Variants in GALNT1 observed in about 807,000 individuals in gnomAD.
The protein encoded by GALNT1 is polypeptide N-acetylgalactosaminyltransferase 1.
In GALNT1, 17 loss-of-function variants were observed where a neutral mutation model predicts 65.7. That is an observed-to-expected ratio of 0.26 (90% CI 0.18 to 0.39). GALNT1 has a LOEUF of 0.39. Ranked by LOEUF, GALNT1 falls within the 10% of genes least tolerant of loss-of-function variation. The probability of loss-of-function intolerance (pLI) is 1.00; values close to 1 mark genes in which losing one functional copy is unlikely to be tolerated. For missense variants in GALNT1, 460 were observed against 672.8 expected (o/e 0.68, Z 3.50); for synonymous variants, 210 against 219.7 (o/e 0.96, Z 0.39).
At chr18:35,618,733 T>TTTTG (rs1241560310) in intron 1 of GALNT1, among the ~76,000 whole-genome samples, 2 of 152,008 alleles carry the variant, frequency 1.3e-5, no homozygotes, top group Non-Finnish European at 2.9e-5. Context: ...ACTGCACTGT[T>TTTTG]TTTGTTTGTT....
chr18:35,613,816 A>T (rs1287772176), intron 1 of GALNT1, among the ~76,000 whole-genome samples: 1 of 152,046 alleles, frequency 6.6e-6, no homozygotes, highest in Admixed American at 6.5e-5. Context: ...GAAAAATTAT[A>T]ACTGCAGTTC....
chr18:35,682,928 A>AG (rs1047228098), intron 4 of GALNT1, among the ~76,000 whole-genome samples: 3 of 149,384 alleles, frequency 2.0e-5, no homozygotes, highest in African/African-American at 7.4e-5. Flanking sequence ...AAAAAAAAAA[A>AG]AGTATAGTCA....
chr18:35,657,229 G>A (rs2047403915), intron 2 of GALNT1, among the ~76,000 whole-genome samples: 1 of 152,106 alleles, frequency 6.6e-6, no homozygotes, highest in Admixed American at 6.5e-5. Context: ...TTGAGTACCT[G>A]CAGTTACAGG....
intron 3 of GALNT1, among the ~76,000 whole-genome samples, chr18:35,669,416 G>A (rs1341287037): frequency 6.6e-6 from 1 of 152,146 alleles, no homozygotes; most frequent in Non-Finnish European, 1.5e-5. Flanking sequence ...AAATATTACA[G>A]ACCAGTAGTC....
chr18:35,683,199 T>G (rs180985752), intron 4 of GALNT1, among the ~76,000 whole-genome samples, 192 bp from the exon 5 acceptor site: 608 of 152,300 alleles, frequency 4.0e-3, no homozygotes, highest in Non-Finnish European at 7.0e-3. Context: ...TATAATAAAA[T>G]AGAGGCAGCT....
rs558025529 is a variant in GALNT1 at position 35,654,902 on chromosome 18, T to C, written c.139+101T>C. ...AATTTTAACTTTTTTAGATTAACTG[T>C]AGTCTGTGACTTCCTGTGGGAGATA... is the stretch of plus-strand genomic sequence containing the variant. On this transcript the variant is annotated intron_variant, in intron 2 of 11. Coordinates refer to ENST00000269195, the MANE Select transcript of GALNT1 (RefSeq NM_020474.4). 25 of 898,038 alleles carry C rather than the reference T, an allele frequency of 2.8e-5. No homozygotes were observed. The East Asian group carries it at 6.2e-4, about 22-fold the overall frequency. The allele number at this position is 898,038 out of a possible 1,614,324, so 55.6% of individuals were successfully genotyped here. A position where few individuals can be genotyped will look rare whatever the true frequency, so the allele number is the denominator to read the frequency against.
intron 1 of GALNT1, among the ~76,000 whole-genome samples, chr18:35,618,826 T>C (rs1382501339): frequency 1.3e-5 from 2 of 152,256 alleles, no homozygotes; most frequent in Non-Finnish European, 2.9e-5. Context: ...GCGCTTGAGG[T>C]CATCCCCTAG....
intron 1 of GALNT1, among the ~76,000 whole-genome samples, chr18:35,628,374 A>G (rs1015933814): frequency 9.9e-5 from 15 of 152,236 alleles, no homozygotes; most frequent in African/African-American, 3.6e-4. Flanking sequence ...TGAAACTTCC[A>G]GAGGAACAAT....
intron 1 of GALNT1, among the ~76,000 whole-genome samples, chr18:35,582,425 G>A (rs1339315085): frequency 6.6e-6 from 1 of 152,192 alleles, no homozygotes; most frequent in Non-Finnish European, 1.5e-5. Flanking sequence ...TCAATACGTT[G>A]CCCATTTAAG....
intron 1 of GALNT1, among the ~76,000 whole-genome samples, chr18:35,603,340 A>T (rs1458647791): frequency 1.3e-5 from 2 of 152,020 alleles, no homozygotes; most frequent in African/African-American, 4.8e-5. Flanking sequence ...TGTTTCTCTT[A>T]CTGTCTGCTT....
At chr18:35,652,617 T>C (rs900986121) in intron 1 of GALNT1, among the ~76,000 whole-genome samples, 4 of 152,180 alleles carry the variant, frequency 2.6e-5, no homozygotes, top group African/African-American at 9.7e-5. Context: ...ATTTAGTCCG[T>C]ATTTCCTTTC....
chr18:35,644,349 A>G (rs1006990778), intron 1 of GALNT1, among the ~76,000 whole-genome samples: 2 of 152,150 alleles, frequency 1.3e-5, no homozygotes, highest in South Asian at 2.1e-4. Context: ...CTAAATTTCG[A>G]TCAGTAACCA....
intron 1 of GALNT1, among the ~76,000 whole-genome samples, chr18:35,585,849 T>TA (rs2046372758): frequency 6.6e-6 from 1 of 152,240 alleles, no homozygotes; most frequent in Non-Finnish European, 1.5e-5. Flanking sequence ...AATGTACTTT[T>TA]ACGGATCTTT....
intron 1 of GALNT1, among the ~76,000 whole-genome samples, chr18:35,593,856 G>A (rs1483937567): frequency 6.6e-6 from 1 of 151,802 alleles, no homozygotes; most frequent in Non-Finnish European, 1.5e-5. Flanking sequence ...CTACAGGCAC[G>A]TGCCATCACA....
At chr18:35,617,450 T>C (rs2046799378) in intron 1 of GALNT1, among the ~76,000 whole-genome samples, 1 of 152,188 alleles carries the variant, frequency 6.6e-6, no homozygotes, top group Admixed American at 6.5e-5. Flanking sequence ...GTTACTTCTT[T>C]GTTTTAACAT....
At chr18:35,634,155 G>A (rs2047059198) in intron 1 of GALNT1, among the ~76,000 whole-genome samples, 1 of 152,152 alleles carries the variant, frequency 6.6e-6, no homozygotes. Context: ...TCATGTATGA[G>A]TGTGTTGTTC....
In GALNT1 at chr18:35,663,815, T is replaced by G. The variant is rs775963732; in HGVS notation, c.314+13T>G. 5 of 1,610,664 alleles carry G rather than the reference T, an allele frequency of 3.1e-6. No individual in the cohort carries two copies. Among genetic ancestry groups the G allele is most frequent in the Non-Finnish European group, 3.4e-6 (4 of 1,178,352 alleles). ...TTAGGTTAGAAGGGTAAGTACTTAC[T>G]GTGGTCCTGATAGTATGTGAATGAA... On this transcript the variant is annotated intron_variant, in intron 3 of 11. Transcript: ENST00000269195.
In GALNT1 at chr18:35,641,787, T is replaced by C. The variant is rs570749405; in HGVS notation, c.-103-12773T>C. On this transcript the variant is annotated intron_variant, in intron 1 of 11. Coordinates refer to ENST00000269195, the MANE Select transcript of GALNT1 (RefSeq NM_020474.4). Reference sequence around the variant, plus strand: ...CCTGGGAAAACAAATTGGTGATATCTGATCATATTGAAAATATGCATACTG... The same window carrying C: ...CCTGGGAAAACAAATTGGTGATATCCGATCATATTGAAAATATGCATACTG... Among the ~76,000 whole-genome samples, 57 of 152,350 alleles carry C rather than the reference T, an allele frequency of 3.7e-4. 3 individuals are homozygous for C. The South Asian group carries it at 0.012, about 32-fold the overall frequency.
intron 1 of GALNT1, among the ~76,000 whole-genome samples, chr18:35,604,358 T>C (rs1488731166): frequency 6.6e-6 from 1 of 152,210 alleles, no homozygotes. Flanking sequence ...GTCTTTGCTA[T>C]TGTGAGTAGT....
Sources: gnomAD v4.1 joint callset for allele counts (sites outside exome capture counted in the v4.1 genomes callset) on GRCh38, gnomAD v4.1.1 for gene constraint, MANE v1.5 for transcripts, NCBI Gene and HGNC (gene_info 2026-07-23, HGNC 2026-07-21) for gene names.